The following SPACA7 variants were observed in gnomAD, a reference collection of about 807,000 sequenced individuals.
The protein encoded by SPACA7 is sperm acrosome associated 7.
SPACA7 carries 19 observed loss-of-function variants against 26.3 expected under a neutral mutation model. The observed-to-expected ratio is 0.72, with a 90% CI of 0.50 to 1.06. The LOEUF (loss-of-function observed/expected upper bound fraction) is 1.06, where lower values mean the gene tolerates loss of function less well. Ranked by LOEUF, SPACA7 falls within the 50% of genes least tolerant of loss-of-function variation. SPACA7 has a pLI of 0.00. For missense variants in SPACA7, 211 were observed against 229.9 expected (o/e 0.92, Z 0.53); for synonymous variants, 84 against 84.5 (o/e 0.99, Z 0.04).
chr13:112,413,347 G>C (rs893235589), intron 5 of SPACA7, among the ~76,000 whole-genome samples: 3 of 147,596 alleles, frequency 2.0e-5, no homozygotes, highest in African/African-American at 5.1e-5. Context: ...GCTGAGTAGA[G>C]CATTCTTGGT....
At chr13:112,418,408 C>T (rs1471634889) in intron 5 of SPACA7, among the ~76,000 whole-genome samples, 1 of 152,098 alleles carries the variant, frequency 6.6e-6, no homozygotes, top group Non-Finnish European at 1.5e-5. Flanking sequence ...CGACTGCTAA[C>T]AAGACTACAC....
chr13:112,419,205 T>C (rs554768060), intron 5 of SPACA7, among the ~76,000 whole-genome samples: 55 of 152,264 alleles, frequency 3.6e-4, no homozygotes, highest in Admixed American at 2.7e-3. Flanking sequence ...TTTCTCATTT[T>C]TGGCCAAGCA....
intron 5 of SPACA7, among the ~76,000 whole-genome samples, chr13:112,411,188 G>A (rs907839920): frequency 6.6e-6 from 1 of 150,788 alleles, no homozygotes; most frequent in Non-Finnish European, 1.5e-5. Flanking sequence ...AAAAAATTGG[G>A]GTATTTAAGA....
chr13:112,400,438 A>C (rs1189574502), intron 4 of SPACA7, among the ~76,000 whole-genome samples: 2 of 152,204 alleles, frequency 1.3e-5, no homozygotes, highest in Admixed American at 6.5e-5. Context: ...TGCTTTAAGA[A>C]AGAGCTGCCC....
intron 5 of SPACA7, among the ~76,000 whole-genome samples, chr13:112,401,627 G>T (rs946769288): frequency 4.6e-5 from 7 of 152,148 alleles, no homozygotes; most frequent in African/African-American, 1.7e-4. Flanking sequence ...ATCAATCTCT[G>T]ACTGCCTTTA....
At chr13:112,428,939 G>A (rs1462363066) in intron 5 of SPACA7, among the ~76,000 whole-genome samples, 2 of 152,296 alleles carry the variant, frequency 1.3e-5, no homozygotes, top group South Asian at 4.1e-4. Context: ...TATGGAGAAA[G>A]CACTGTTGAA....
At chr13:112,410,145 T>A (rs1287637341) in intron 5 of SPACA7, among the ~76,000 whole-genome samples, 1 of 151,974 alleles carries the variant, frequency 6.6e-6, no homozygotes, top group African/African-American at 2.4e-5. Flanking sequence ...ATGTTCTCAC[T>A]CATAGGTGGG....
In SPACA7 at chr13:112,432,488, G is replaced by A; in HGVS notation, c.490G>A (p.Asp164Asn). 1 of 1,611,708 alleles carries A rather than the reference G, an allele frequency of 6.2e-7. No homozygotes were observed. Among genetic ancestry groups the A allele is most frequent in the Non-Finnish European group, 8.5e-7 (1 of 1,177,772 alleles). The change falls in exon 6 of 7, where the codon GAC becomes AAC. Residue 164 changes from aspartate to asparagine, a missense_variant. Transcript: ENST00000283550. The part of the protein sequence containing the change: ...NTQYENLSIL[D>N]QILQNIGRSS... The stretch of plus-strand genomic sequence containing the variant: ...TCAGTATGAAAATCTATCCATTCTG[G>A]ACCAAATCCTTCAAAATATTGGAAG...
intron 4 of SPACA7, among the ~76,000 whole-genome samples, chr13:112,399,479 C>A (rs1594275990): frequency 6.6e-6 from 1 of 152,218 alleles, no homozygotes; most frequent in South Asian, 2.1e-4. Context: ...GCCTGGCCCC[C>A]TCTCCCAAAG....
chr13:112,390,578 G>A (rs1358387423), intron 1 of SPACA7, among the ~76,000 whole-genome samples: 1 of 152,194 alleles, frequency 6.6e-6, no homozygotes, highest in African/African-American at 2.4e-5. Context: ...ACTATTCTGT[G>A]AACTGTATAG....
chr13:112,378,075 C>T (rs1289505161), intron 1 of SPACA7, among the ~76,000 whole-genome samples: 1 of 152,138 alleles, frequency 6.6e-6, no homozygotes. Flanking sequence ...GGGGGCAGAG[C>T]GTGGATGTGT....
At chr13:112,376,734 C>T (rs1231439662) in intron 1 of SPACA7, among the ~76,000 whole-genome samples, 1 of 152,060 alleles carries the variant, frequency 6.6e-6, no homozygotes, top group Non-Finnish European at 1.5e-5. Flanking sequence ...ATATCATGAA[C>T]CTTCGTGTAT....
At chr13:112,400,477 T>C (rs758223115) in intron 4 of SPACA7, among the ~76,000 whole-genome samples, 3 of 152,226 alleles carry the variant, frequency 2.0e-5, no homozygotes, top group Non-Finnish European at 4.4e-5. Context: ...ATTCGGTTGC[T>C]TATTACTGTC....
At chr13:112,401,771 G>A (rs531268804) in intron 5 of SPACA7, among the ~76,000 whole-genome samples, 1 of 152,180 alleles carries the variant, frequency 6.6e-6, no homozygotes, top group Non-Finnish European at 1.5e-5. Flanking sequence ...TCTGAGCATG[G>A]TGTGAGGTGT....
At chr13:112,411,189 G>A (rs1240570920) in intron 5 of SPACA7, among the ~76,000 whole-genome samples, 1 of 151,258 alleles carries the variant, frequency 6.6e-6, no homozygotes, top group African/African-American at 2.4e-5. Context: ...AAAAATTGGG[G>A]TATTTAAGAA....
chr13:112,423,853 G>C (rs1013369820), intron 5 of SPACA7, among the ~76,000 whole-genome samples: 1 of 152,168 alleles, frequency 6.6e-6, no homozygotes, highest in Non-Finnish European at 1.5e-5. Context: ...GACTGTAAAC[G>C]GTTATTTCCA....
chr13:112,432,650 T>C, intron 6 of SPACA7, 129 bp downstream of exon 6: 1 of 668,110 alleles, frequency 1.5e-6, no homozygotes, highest in South Asian at 1.8e-5. Flanking sequence ...CTACCTGAGC[T>C]CCACAGGAGC....
At position 112,432,516 on chromosome 13, in the gene SPACA7, CT is replaced by C. The variant is rs766626272; in HGVS notation, c.520del (p.Ser174GlnfsTer37). ...CAAATCCTTCAAAATATTGGAAGAT[CT>C]TCAGGTAGATTGGAAATAATAGATA... ...LDQILQNIGR[S>X]SGNIFHKEQQ... is the part of the protein sequence containing the mutation. On this transcript the variant is annotated frameshift_variant, in exon 6 of 7. Coordinates refer to ENST00000283550, the MANE Select transcript of SPACA7 (RefSeq NM_145248.5). LOFTEE classifies it low-confidence loss of function (END_TRUNC). 3.1e-6 allele frequency: 5 copies of C among 1,597,870 alleles called. No individual in the cohort carries two copies. The highest frequency in any genetic ancestry group is 4.3e-6 in the Non-Finnish European group (5 of 1,165,118).
At chr13:112,381,546 A>G (rs1884066502) in intron 1 of SPACA7, among the ~76,000 whole-genome samples, 1 of 151,854 alleles carries the variant, frequency 6.6e-6, no homozygotes, top group African/African-American at 2.4e-5. Flanking sequence ...CAAGGGGTTC[A>G]CTTGCCCCCT....
Sources: allele counts gnomAD v4.1 joint callset (sites outside exome capture counted in the v4.1 genomes callset), GRCh38; gene constraint gnomAD v4.1.1; transcripts MANE v1.5; gene names NCBI Gene and HGNC (gene_info 2026-07-23, HGNC 2026-07-21).